SGCG: variants seen among roughly 807,000 people sequenced by gnomAD.
SGCG encodes the protein sarcoglycan gamma.
In SGCG, 26 loss-of-function variants were observed where a neutral mutation model predicts 29.3. The observed-to-expected ratio is 0.89, with a 90% CI of 0.65 to 1.23. The LOEUF (loss-of-function observed/expected upper bound fraction) is 1.23, where lower values mean the gene tolerates loss of function less well. Among genes scored for constraint, SGCG ranks in the 50% most tolerant of loss-of-function variants. The pLI is 0.00. For missense variants in SGCG, 353 were observed against 356.0 expected (o/e 0.99, Z 0.07); for synonymous variants, 145 against 129.7 (o/e 1.12, Z -0.80).
At chr13:23,322,522 T>C (rs478852) in intron 7 of SGCG, among the ~76,000 whole-genome samples, 1 of 152,150 alleles carries the variant, frequency 6.6e-6, no homozygotes, top group African/African-American at 2.4e-5. Flanking sequence ...TCTCAGGGTT[T>C]GCCACTCCCA....
chr13:23,255,939 A>T (rs1032803600), intron 4 of SGCG, among the ~76,000 whole-genome samples: 1 of 152,202 alleles, frequency 6.6e-6, no homozygotes, highest in African/African-American at 2.4e-5. Flanking sequence ...CCCACAGGAG[A>T]CAGTGAACCT....
chr13:23,250,608 A>G (rs200135138), intron 3 of SGCG, 22 bp from the exon 4 acceptor site: 425 of 1,466,640 alleles, frequency 2.9e-4, no homozygotes, highest in Non-Finnish European at 3.8e-4. Flanking sequence ...CTATTTTGCA[A>G]ATTTTATAAA....
Position 23,195,459 on chromosome 13 carries a change from T to C in SGCG, c.1-8236T>C, listed in dbSNP as rs201568745. ...TTTGAGCTTGTTTTTATTTTTTTTT[T>C]CCCTTTTAGTCACTTGCTCGTTTAA... is the stretch of plus-strand genomic sequence containing the variant. On this transcript the variant is annotated intron_variant, in intron 1 of 7. Transcript: ENST00000218867. Among the ~76,000 whole-genome samples, 986 of 151,562 alleles carry C rather than the reference T, an allele frequency of 6.5e-3. 10 individuals carry two copies. Among genetic ancestry groups the C allele is most frequent in the African/African-American group, 0.022 (906 of 41,460 alleles).
In SGCG at chr13:23,269,218, G is replaced by A. The variant is rs982835177; in HGVS notation, c.386-10141G>A. 3 of 152,116 alleles carry A rather than the reference G, an allele frequency of 2.0e-5. No individual in the cohort carries two copies. The East Asian group carries it at 5.8e-4, about 29-fold the overall frequency. The allele number at this position is 152,116 out of a possible 1,614,324, so 9.4% of individuals were successfully genotyped here. On this transcript the variant is annotated intron_variant, in intron 4 of 7. Transcript: ENST00000218867. The stretch of plus-strand genomic sequence containing the variant: ...ATTTGTGTAATTGCTCTGAATATTA[G>A]TCAATAGTCAATCCAAAAATATTTG...
intron 6 of SGCG, among the ~76,000 whole-genome samples, chr13:23,315,522 G>A (rs4769261): frequency 0.19 from 29,134 of 152,132 alleles, 3,371 homozygotes; most frequent in Non-Finnish European, 0.25. Flanking sequence ...GAGAGGAAGA[G>A]AAGACTAGGG....
At chr13:23,253,317 T>C (rs1321485055) in intron 4 of SGCG, among the ~76,000 whole-genome samples, 2 of 152,228 alleles carry the variant, frequency 1.3e-5, no homozygotes, top group South Asian at 2.1e-4. Context: ...TCTCTAGTTT[T>C]AACCTTGGTG....
At chr13:23,318,647 A>G (rs9552923) in intron 6 of SGCG, among the ~76,000 whole-genome samples, 54,527 of 152,026 alleles carry the variant, frequency 0.36, 11,161 homozygotes, top group Non-Finnish European at 0.45. Flanking sequence ...GTACTGTTCA[A>G]TGTGTTAATG....
rs1879929056 is a variant in SGCG at position 23,250,696 on chromosome 13, G to A, written c.364G>A (p.Val122Ile). Residue 122 changes from valine to isoleucine, a missense_variant, in exon 4 of 8, where the codon GTC becomes ATC. Val to Ile is a conservative substitution (Grantham distance 29). Coordinates refer to ENST00000218867, the MANE Select transcript of SGCG (RefSeq NM_000231.3). The stretch of plus-strand genomic sequence containing the variant: ...AAATGCGCGCAACTCAGAAGGGGAG[G>A]TCACAGGCAGGTTAAAAGTCGGTGA... ...TVNARNSEGE[V>I]TGRLKVGPKM... is the part of the protein sequence containing the mutation. The A allele has an allele frequency of 3.1e-6, 5 of 1,611,318 alleles. No individual in the cohort carries two copies. Among genetic ancestry groups the A allele is most frequent in the Non-Finnish European group, 3.4e-6 (4 of 1,177,650 alleles).
At chr13:23,223,521 A>G (rs971601962) in intron 2 of SGCG, among the ~76,000 whole-genome samples, 1 of 152,238 alleles carries the variant, frequency 6.6e-6, no homozygotes, top group Non-Finnish European at 1.5e-5. Context: ...GAAAATGTAT[A>G]TATTAGATTC....
At chr13:23,290,080 C>G (rs1881641057) in intron 5 of SGCG, among the ~76,000 whole-genome samples, 1 of 152,112 alleles carries the variant, frequency 6.6e-6, no homozygotes, top group African/African-American at 2.4e-5. Context: ...GGCAGGCAGC[C>G]AGGAGGAGAC....
intron 3 of SGCG, chr13:23,243,780 C>T (rs771645705): frequency 5.9e-5 from 9 of 151,978 alleles, no homozygotes; most frequent in Non-Finnish European, 1.3e-4. Flanking sequence ...TTTCCTCATC[C>T]CTATATTAGC....
chr13:23,260,662 A>G (rs926594808), intron 4 of SGCG, among the ~76,000 whole-genome samples: 2 of 151,986 alleles, frequency 1.3e-5, no homozygotes, highest in Non-Finnish European at 2.9e-5. Flanking sequence ...ACAATTTGGC[A>G]TGTTTTTGCA....
intron 5 of SGCG, among the ~76,000 whole-genome samples, chr13:23,288,686 C>T (rs1881592181): frequency 6.6e-6 from 1 of 152,166 alleles, no homozygotes; most frequent in Non-Finnish European, 1.5e-5. Flanking sequence ...CTTTTATTAA[C>T]CCAAGTTACA....
At chr13:23,307,646 T>C (rs1435773754) in intron 6 of SGCG, among the ~76,000 whole-genome samples, 1 of 152,058 alleles carries the variant, frequency 6.6e-6, no homozygotes. Flanking sequence ...TCAAAGAAAA[T>C]ATTAGAAGTC....
intron 1 of SGCG, among the ~76,000 whole-genome samples, chr13:23,182,091 G>A (rs1267209971): frequency 2.6e-5 from 4 of 152,126 alleles, no homozygotes; most frequent in Admixed American, 1.3e-4. Flanking sequence ...ACAAATTCAG[G>A]TGTCCAAAAG....
At position 23,240,929 on chromosome 13, in the gene SGCG, G is replaced by A. The variant is rs577018479; in HGVS notation, c.297+6217G>A. On this transcript the variant is annotated intron_variant, in intron 3 of 7. Transcript: ENST00000218867. ...AGCACTTTGGGAGGCCGAGGCAGGC[G>A]GATCACGAGGTCAGGAGATCGAGAC... 2.3e-3 allele frequency among the ~76,000 whole-genome samples: 354 copies of A among 152,104 alleles called. 2 individuals carry two copies. The highest frequency in any genetic ancestry group is 4.1e-3 in the Non-Finnish European group (278 of 67,976).
rs756205136 is a variant in SGCG at position 23,324,450 on chromosome 13, A to C, written c.785A>C (p.Tyr262Ser). 13 of 1,614,028 alleles carry C rather than the reference A, an allele frequency of 8.1e-6. No individual in the cohort carries two copies. Among genetic ancestry groups the C allele is most frequent in the Non-Finnish European group, 1.1e-5 (13 of 1,180,028 alleles). Residue 262 changes from tyrosine to serine, a missense_variant, in exon 8 of 8, where the codon TAC becomes TCC. Tyr to Ser is a moderately radical substitution (Grantham distance 144). Coordinates refer to ENST00000218867, the MANE Select transcript of SGCG (RefSeq NM_000231.3). Reference protein sequence around the residue: ...WGPSGSSQSLYEICVCPDGKL... With the variant: ...WGPSGSSQSLSEICVCPDGKL... The stretch of plus-strand genomic sequence containing the variant: ...CCCTCTGGCAGCTCACAGAGCCTCT[A>C]CGAAATCTGTGTGTGTCCAGATGGG...
chr13:23,225,180 C>T (rs1878849202), intron 2 of SGCG, among the ~76,000 whole-genome samples: 1 of 152,160 alleles, frequency 6.6e-6, no homozygotes, highest in African/African-American at 2.4e-5. Context: ...CCAAGGATGT[C>T]CACATCCTAA....
At chr13:23,274,208 T>A (rs1880974404) in intron 4 of SGCG, among the ~76,000 whole-genome samples, 1 of 152,090 alleles carries the variant, frequency 6.6e-6, no homozygotes, top group Non-Finnish European at 1.5e-5. Context: ...ATTACTTTTG[T>A]CCATTCCTTA....
Sources: gnomAD v4.1 joint callset for allele counts (sites outside exome capture counted in the v4.1 genomes callset) on GRCh38, gnomAD v4.1.1 for gene constraint, MANE v1.5 for transcripts, NCBI Gene and HGNC (gene_info 2026-07-23, HGNC 2026-07-21) for gene names.